Variants in FCHO2 observed in about 807,000 individuals in gnomAD.
The protein encoded by FCHO2 is FCH and mu domain containing endocytic adaptor 2.
A neutral mutation model predicts 114.1 loss-of-function variants in FCHO2; 43 were observed. The ratio of observed to expected loss-of-function variants is 0.38; its 90% CI spans 0.30 to 0.49. FCHO2 has a LOEUF of 0.49. Ranked by LOEUF, FCHO2 falls within the 20% of genes least tolerant of loss-of-function variation. The pLI is 0.97. For missense variants in FCHO2, 807 were observed against 950.4 expected, an observed-to-expected ratio of 0.85 and a Z score of 1.98; for synonymous variants, 293 against 315.2, an observed-to-expected ratio of 0.93 and a Z score of 0.75.
intron 1 of FCHO2, among the ~76,000 whole-genome samples, chr5:72,966,831 T>A (rs561370857): frequency 3.3e-5 from 5 of 152,266 alleles, no homozygotes; most frequent in African/African-American, 1.2e-4. Context: ...AACTGCTGCC[T>A]GTAAAGAGAG....
At chr5:73,031,212 T>C (rs79574259) in intron 8 of FCHO2, among the ~76,000 whole-genome samples, 2,506 of 152,294 alleles carry the variant, frequency 0.016, 70 homozygotes, top group African/African-American at 0.052. Context: ...AATGTAGTAA[T>C]TGATTTCCAT....
At chr5:73,014,098 C>T (rs532574766) in intron 6 of FCHO2, among the ~76,000 whole-genome samples, 9 of 152,174 alleles carry the variant, frequency 5.9e-5, no homozygotes, top group African/African-American at 1.4e-4. Context: ...CTCTTTCAAC[C>T]CCCATTACCC....
chr5:72,968,634 A>G (rs1432126034), intron 2 of FCHO2, 45 bp downstream of exon 2: 1 of 1,315,632 alleles, frequency 7.6e-7, no homozygotes, highest in Non-Finnish European at 1.0e-6. Context: ...ACTTAATAGC[A>G]ATTTAAATTT....
intron 11 of FCHO2, among the ~76,000 whole-genome samples, chr5:73,050,602 C>G (rs1757298071): frequency 6.6e-6 from 1 of 152,156 alleles, no homozygotes; most frequent in Non-Finnish European, 1.5e-5. Flanking sequence ...CAGGCGTGAG[C>G]CACTGCACCG....
chr5:73,026,804 G>T (rs952187979), intron 8 of FCHO2, among the ~76,000 whole-genome samples: 1 of 152,020 alleles, frequency 6.6e-6, no homozygotes, highest in African/African-American at 2.4e-5. Context: ...CAATTCTCAT[G>T]CCTCAGCCTC....
intron 20 of FCHO2, 103 bp from the exon 21 acceptor site, chr5:73,077,235 C>T (rs770801571): frequency 4.3e-5 from 38 of 884,834 alleles, no homozygotes; most frequent in African/African-American, 5.1e-5. Context: ...CATATAGGTG[C>T]GTGTGTGTGT....
intron 5 of FCHO2, among the ~76,000 whole-genome samples, chr5:73,002,341 A>G (rs544024174): frequency 2.0e-5 from 3 of 152,310 alleles, no homozygotes; most frequent in Admixed American, 1.3e-4. Flanking sequence ...AAAGGCCTAT[A>G]ATGTTTGATG....
At chr5:73,048,276 C>A (rs1204512961) in intron 11 of FCHO2, among the ~76,000 whole-genome samples, 1 of 151,850 alleles carries the variant, frequency 6.6e-6, no homozygotes, top group African/African-American at 2.4e-5. Flanking sequence ...ATAGGGACAC[C>A]CTGTGTCTAT....
chr5:73,072,935 A>G (rs1325048029), intron 19 of FCHO2, among the ~76,000 whole-genome samples: 2 of 152,018 alleles, frequency 1.3e-5, no homozygotes, highest in Non-Finnish European at 2.9e-5. Flanking sequence ...AGAAAAGATT[A>G]TTACAGCCTT....
chr5:73,010,589 A>T (rs971066032), intron 6 of FCHO2, among the ~76,000 whole-genome samples: 2 of 152,064 alleles, frequency 1.3e-5, no homozygotes, highest in Admixed American at 6.6e-5. Context: ...GAATGTACTT[A>T]TGCCTGGCCA....
Position 73,077,331 on chromosome 5 carries a change from G to A in FCHO2, c.1692-7G>A, listed in dbSNP as rs1742946255. The A allele has an allele frequency of 6.4e-7, 1 of 1,564,454 alleles. No individual in the cohort carries two copies. The highest frequency in any genetic ancestry group is 1.4e-5 in the African/African-American group (1 of 73,776). ...TATTTAAACACTTTTCAAAATCCCTGTTTTAGGTGTATTGTGAAGATCACT... is the reference window on the plus strand; with the variant it reads ...TATTTAAACACTTTTCAAAATCCCTATTTTAGGTGTATTGTGAAGATCACT... On this transcript the variant is annotated splice_polypyrimidine_tract_variant and splice_region_variant and intron_variant, in intron 20 of 25. Coordinates refer to ENST00000430046, the MANE Select transcript of FCHO2 (RefSeq NM_138782.3).
intron 5 of FCHO2, among the ~76,000 whole-genome samples, chr5:72,991,397 AT>A (rs1488996502): frequency 1.3e-5 from 2 of 152,184 alleles, no homozygotes; most frequent in Non-Finnish European, 2.9e-5. Context: ...TCAGTGACAC[AT>A]TTTCAGGATA....
chr5:72,985,318 C>A (rs371433349), intron 2 of FCHO2, among the ~76,000 whole-genome samples: 1 of 152,032 alleles, frequency 6.6e-6, no homozygotes, highest in Non-Finnish European at 1.5e-5. Flanking sequence ...CATGCCCCCA[C>A]GCCCATCTAA....
chr5:72,984,778 A>G (rs1753413724), intron 2 of FCHO2, among the ~76,000 whole-genome samples: 1 of 152,004 alleles, frequency 6.6e-6, no homozygotes, highest in Non-Finnish European at 1.5e-5. Flanking sequence ...GGCTATAGGG[A>G]TGCACCACCA....
intron 2 of FCHO2, among the ~76,000 whole-genome samples, chr5:72,988,632 C>G (rs1242801594): frequency 6.6e-6 from 1 of 152,086 alleles, no homozygotes; most frequent in African/African-American, 2.4e-5. Flanking sequence ...TAGATCTGAT[C>G]ACAAAATAAA....
At chr5:72,971,951 A>G (rs1471927112) in intron 2 of FCHO2, among the ~76,000 whole-genome samples, 1 of 151,468 alleles carries the variant, frequency 6.6e-6, no homozygotes, top group East Asian at 1.9e-4. Flanking sequence ...CATTTATTAA[A>G]TAGGGAATCC....
chr5:73,048,334 C>T (rs1757163964), intron 11 of FCHO2, among the ~76,000 whole-genome samples: 1 of 151,852 alleles, frequency 6.6e-6, no homozygotes, highest in South Asian at 2.1e-4. Flanking sequence ...CCTGTAATCC[C>T]AGCTGTTAGG....
At chr5:73,028,660 T>G (rs1756069002) in intron 8 of FCHO2, among the ~76,000 whole-genome samples, 1 of 130,884 alleles carries the variant, frequency 7.6e-6, no homozygotes, top group South Asian at 2.6e-4. Context: ...TTTTTTTTTT[T>G]TTTTTTTGTG....
At chr5:72,997,486 C>G in intron 5 of FCHO2, 2 of 1,526,750 alleles carry the variant, frequency 1.3e-6, no homozygotes, top group Non-Finnish European at 1.8e-6. Flanking sequence ...CAGGGGTTTA[C>G]AGGAGCCATC....
Sources: gnomAD v4.1 joint callset for allele counts (sites outside exome capture counted in the v4.1 genomes callset) on GRCh38, gnomAD v4.1.1 for gene constraint, MANE v1.5 for transcripts, NCBI Gene and HGNC (gene_info 2026-07-23, HGNC 2026-07-21) for gene names.